Variants in CNTN4 observed in about 807,000 individuals in gnomAD.
CNTN4 encodes contactin-4.
Under a neutral mutation model 122.5 loss-of-function variants are expected in CNTN4, and 77 were observed. The ratio of observed to expected loss-of-function variants is 0.63; its 90% CI spans 0.52 to 0.76. The LOEUF is 0.76. CNTN4 is among the 30% of genes least tolerant of loss of function. The pLI, the probability that CNTN4 is intolerant of heterozygous loss-of-function variation, is 0.00. For missense variants in CNTN4, 1,256 were observed against 1,259.1 expected, an observed-to-expected ratio of 1.00 and a Z score of 0.04; for synonymous variants, 512 against 447.0, an observed-to-expected ratio of 1.15 and a Z score of -1.83.
chr3:2,206,805 C>T (rs945763782), intron 2 of CNTN4, among the ~76,000 whole-genome samples: 15 of 150,864 alleles, frequency 9.9e-5, no homozygotes, highest in African/African-American at 2.7e-4. Context: ...TGTAAACTGC[C>T]TTAATATAGA....
At chr3:2,562,099 G>C (rs1205505977) in intron 3 of CNTN4, among the ~76,000 whole-genome samples, 1 of 152,124 alleles carries the variant, frequency 6.6e-6, no homozygotes, top group Non-Finnish European at 1.5e-5. Context: ...CTAAATGCAA[G>C]ATGAAAATAC....
At chr3:2,278,083 C>A (rs1207756606) in intron 2 of CNTN4, among the ~76,000 whole-genome samples, 2 of 152,112 alleles carry the variant, frequency 1.3e-5, no homozygotes, top group Non-Finnish European at 2.9e-5. Context: ...GGGCACTTCT[C>A]AGCTTTTCAT....
intron 14 of CNTN4, among the ~76,000 whole-genome samples, chr3:3,009,496 C>G (rs367575399): frequency 4.6e-5 from 7 of 151,472 alleles, no homozygotes; most frequent in Middle Eastern, 3.2e-3. Flanking sequence ...TGCAGTGGCG[C>G]GATCTCAGCT....
chr3:2,607,352 G>T (rs571638844), intron 4 of CNTN4, among the ~76,000 whole-genome samples: 1 of 152,118 alleles, frequency 6.6e-6, no homozygotes, highest in South Asian at 2.1e-4. Context: ...GTTCACCAAG[G>T]CATCATTTGT....
At chr3:2,891,696 A>G (rs917559544) in intron 10 of CNTN4, among the ~76,000 whole-genome samples, 1 of 152,186 alleles carries the variant, frequency 6.6e-6, no homozygotes, top group Non-Finnish European at 1.5e-5. Context: ...AGTGTTAACT[A>G]AATCATAGTG....
At chr3:2,390,212 A>AG (rs1559511337) in intron 3 of CNTN4, among the ~76,000 whole-genome samples, 4 of 115,378 alleles carry the variant, frequency 3.5e-5, no homozygotes, top group African/African-American at 1.5e-4. Flanking sequence ...TTTAGGAAAA[A>AG]AGAGTGTGTG....
At chr3:2,434,913 T>C (rs961554278) in intron 3 of CNTN4, among the ~76,000 whole-genome samples, 15 of 152,162 alleles carry the variant, frequency 9.9e-5, no homozygotes, top group Non-Finnish European at 2.1e-4. Flanking sequence ...ATAGGAAGCA[T>C]TTAAAGTCGT....
intron 14 of CNTN4, among the ~76,000 whole-genome samples, chr3:2,996,495 A>T (rs961704578): frequency 3.9e-5 from 6 of 152,194 alleles, no homozygotes; most frequent in Non-Finnish European, 7.3e-5. Flanking sequence ...CTCTCCTATA[A>T]AATGAATTAA....
intron 6 of CNTN4, among the ~76,000 whole-genome samples, chr3:2,801,857 A>G (rs1363825346): frequency 6.6e-6 from 1 of 152,174 alleles, no homozygotes; most frequent in Non-Finnish European, 1.5e-5. Flanking sequence ...TGAGTTTCAA[A>G]TATTTTCTAC....
intron 4 of CNTN4, among the ~76,000 whole-genome samples, chr3:2,627,555 G>T (rs148188713): frequency 1.4e-5 from 2 of 147,156 alleles, no homozygotes; most frequent in African/African-American, 2.5e-5. Context: ...GTGTAGTAGC[G>T]CAATCTCGGC....
intron 4 of CNTN4, among the ~76,000 whole-genome samples, chr3:2,702,720 T>G (rs1221318441): frequency 6.6e-6 from 1 of 152,240 alleles, no homozygotes; most frequent in Non-Finnish European, 1.5e-5. Context: ...ACCTAGAGGC[T>G]GAAGCACATG....
Position 2,559,616 on chromosome 3 carries a change from T to A in CNTN4, c.-88-11800T>A, listed in dbSNP as rs554782953. 2.6e-5 allele frequency among the ~76,000 whole-genome samples: 4 copies of A among 152,262 alleles called. No homozygotes were observed. The East Asian group carries it at 7.7e-4, about 29-fold the overall frequency. ...ATTTTTATCACTTTATCATCTTTCATACCTGAGACCCAGATTTGGGTGCAA... is the reference window on the plus strand; with the variant it reads ...ATTTTTATCACTTTATCATCTTTCAAACCTGAGACCCAGATTTGGGTGCAA... On this transcript the variant is annotated intron_variant, in intron 3 of 24. Coordinates refer to ENST00000418658, the MANE Select transcript of CNTN4 (RefSeq NM_175607.3).
chr3:2,973,758 A>C (rs1693158578), intron 13 of CNTN4, among the ~76,000 whole-genome samples: 1 of 151,404 alleles, frequency 6.6e-6, no homozygotes, highest in Non-Finnish European at 1.5e-5. Context: ...CATTTGAGTA[A>C]ATGGGGTGAT....
chr3:2,581,093 A>C (rs944657349), intron 4 of CNTN4, among the ~76,000 whole-genome samples: 1 of 152,188 alleles, frequency 6.6e-6, no homozygotes, highest in Non-Finnish European at 1.5e-5. Flanking sequence ...CTGGCAACTT[A>C]TTAGAAATGG....
chr3:2,738,991 T>C (rs2320957), intron 5 of CNTN4, among the ~76,000 whole-genome samples: 31,595 of 152,032 alleles, frequency 0.21, 3,521 homozygotes, highest in East Asian at 0.31. Flanking sequence ...TTTAAGTATA[T>C]TTGTTATGGG....
At chr3:2,756,341 A>C (rs1311861428) in intron 6 of CNTN4, among the ~76,000 whole-genome samples, 1 of 152,146 alleles carries the variant, frequency 6.6e-6, no homozygotes, top group Non-Finnish European at 1.5e-5. Flanking sequence ...GCCCTTATAA[A>C]AGTGATTCCT....
chr3:3,031,592 C>T (rs1220639898), intron 16 of CNTN4, among the ~76,000 whole-genome samples: 1 of 151,974 alleles, frequency 6.6e-6, no homozygotes, highest in African/African-American at 2.4e-5. Context: ...ATGACCCCCC[C>T]GGCTGAGCAA....
In CNTN4 at chr3:2,748,460, G is replaced by A. The variant is rs116567184; in HGVS notation, c.358+2763G>A. On this transcript the variant is annotated intron_variant, in intron 6 of 24. Transcript: ENST00000418658. The stretch of plus-strand genomic sequence containing the variant: ...ATAATGATTGTTCTCCTAGTTTAGT[G>A]TCAGCAGAAAATTTGATAAGCATAT... Among the ~76,000 whole-genome samples the A allele has an allele frequency of 4.8e-3, 725 of 152,038 alleles. 7 individuals are homozygous for A. Among genetic ancestry groups the A allele is most frequent in the African/African-American group, 0.016 (670 of 41,500 alleles).
intron 13 of CNTN4, among the ~76,000 whole-genome samples, chr3:2,960,917 C>T (rs1039863412): frequency 6.6e-6 from 1 of 152,038 alleles, no homozygotes; most frequent in South Asian, 2.1e-4. Context: ...CAAATCGTTT[C>T]GCTACCATGC....
Sources: gnomAD v4.1 joint callset for allele counts (sites outside exome capture counted in the v4.1 genomes callset) on GRCh38, gnomAD v4.1.1 for gene constraint, MANE v1.5 for transcripts, NCBI Gene and HGNC (gene_info 2026-07-23, HGNC 2026-07-21) for gene names.